Variants in POLR2F observed in about 807,000 individuals in gnomAD.
POLR2F encodes RNA polymerase II, I and III subunit F, also known as DNA-directed RNA polymerases I, II, and III subunit RPABC2.
A neutral mutation model predicts 22.7 loss-of-function variants in POLR2F; 12 were observed. That is an observed-to-expected ratio of 0.53 (90% CI 0.34 to 0.86). The LOEUF (loss-of-function observed/expected upper bound fraction) is 0.86, where lower values mean the gene tolerates loss of function less well. POLR2F is among the 40% of genes least tolerant of loss of function. The probability of loss-of-function intolerance (pLI) is 0.02; values close to 1 mark genes in which losing one functional copy is unlikely to be tolerated. For synonymous variants in POLR2F, 57 were observed against 66.0 expected, an observed-to-expected ratio of 0.86 and a Z score of 0.66; for missense variants, 126 against 171.5, an observed-to-expected ratio of 0.73 and a Z score of 1.48.
At chr22:37,999,359 A>G (rs1010197734) in intron 1 of POLR2F, among the ~76,000 whole-genome samples, 3 of 152,258 alleles carry the variant, frequency 2.0e-5, no homozygotes, top group Admixed American at 6.5e-5. Flanking sequence ...CTTGTCGGCC[A>G]TCACAGGGGG....
In POLR2F at chr22:38,040,991, T is replaced by C. The variant is rs2085166633; in HGVS notation, c.453-77T>C. The C allele has an allele frequency of 4.4e-6, 7 of 1,603,070 alleles. No homozygotes were observed. In the South Asian group the frequency reaches 6.6e-5, roughly 15 times the overall value. On this transcript the variant is annotated intron_variant, in intron 5 of 5. Transcript: ENST00000407936. ...TGACGTTGATCAAAGGCTGAAGTTC[T>C]TCATGTATTTCATTCATGTCATCCT...
chr22:38,031,259 A>G (rs1202109538), downstream of POLR2F, among the ~76,000 whole-genome samples: 1 of 152,136 alleles, frequency 6.6e-6, no homozygotes, highest in Non-Finnish European at 1.5e-5. This position sits in a 1 kb window ranked among gnomAD's most constrained non-coding sequence, Gnocchi z 4.1. Flanking sequence ...TGCGGACAGT[A>G]ATACCACAGA....
At chr22:38,037,931 A>G (rs1016822929) in intron 5 of POLR2F, among the ~76,000 whole-genome samples, 10 of 152,154 alleles carry the variant, frequency 6.6e-5, no homozygotes, top group Admixed American at 5.9e-4. Context: ...TAGCCTCAGC[A>G]GAGAGACAGC....
At chr22:38,020,228 CACACACAT>C (rs1166398523) in intron 1 of POLR2F, among the ~76,000 whole-genome samples, 4 of 150,920 alleles carry the variant, frequency 2.7e-5, no homozygotes, top group African/African-American at 9.8e-5. Flanking sequence ...CACACACACA[CACACACAT>C]ACATATATAT....
At chr22:37,996,379 G>A (rs904191645) in intron 1 of POLR2F, among the ~76,000 whole-genome samples, 21 of 152,366 alleles carry the variant, frequency 1.4e-4, no homozygotes, top group African/African-American at 1.7e-4. Flanking sequence ...CATCTCTGGC[G>A]AGAGAGCTCA....
At chr22:38,036,494 A>G (rs2085117484) in intron 5 of POLR2F, among the ~76,000 whole-genome samples, 1 of 150,304 alleles carries the variant, frequency 6.7e-6, no homozygotes, top group Non-Finnish European at 1.5e-5. Context: ...CTCCTTAGGA[A>G]CCTGTCCTAG....
chr22:38,039,115 G>A (rs944097492), intron 5 of POLR2F, among the ~76,000 whole-genome samples: 2 of 152,198 alleles, frequency 1.3e-5, no homozygotes, highest in Non-Finnish European at 2.9e-5. Flanking sequence ...CCCCTCTGAC[G>A]ACTGAGTGGA....
chr22:38,002,719 G>A (rs549835245), intron 1 of POLR2F, among the ~76,000 whole-genome samples: 2 of 152,214 alleles, frequency 1.3e-5, no homozygotes, highest in East Asian at 3.9e-4. Context: ...ATGGCCTGAT[G>A]GTGACTTTTG....
intron 1 of POLR2F, among the ~76,000 whole-genome samples, chr22:38,014,676 G>C (rs2084901097): frequency 6.6e-6 from 1 of 151,620 alleles, no homozygotes; most frequent in South Asian, 2.1e-4. Context: ...TTGGAGATGG[G>C]GTTTCACCAT....
At chr22:38,026,283 C>T (rs778238948) in exon 3 of POLR2F, 1 of 533,202 alleles carries the variant, frequency 1.9e-6, no homozygotes, top group East Asian at 5.4e-5. Context: ...GGGTAGCTGG[C>T]TTGCTTGACC....
At chr22:38,039,791 C>T (rs1026565915) in intron 5 of POLR2F, among the ~76,000 whole-genome samples, 11 of 152,184 alleles carry the variant, frequency 7.2e-5, no homozygotes, top group Admixed American at 5.2e-4. Flanking sequence ...AGGGCGAGGG[C>T]CATTGAGTTC....
At chr22:38,037,079 T>C (rs1287661784) in intron 5 of POLR2F, among the ~76,000 whole-genome samples, 2 of 152,196 alleles carry the variant, frequency 1.3e-5, no homozygotes, top group Admixed American at 6.5e-5. Flanking sequence ...GTAGGTTTAC[T>C]TGTATACTAT....
chr22:37,983,270 T>C, upstream of POLR2F: 4 of 1,437,464 alleles, frequency 2.8e-6, no homozygotes, highest in Non-Finnish European at 3.8e-6. This position sits in a 1 kb window ranked among gnomAD's most constrained non-coding sequence, Gnocchi z 9.5. Context: ...AGTCCCGCTC[T>C]GAGGTGCAGG....
chr22:38,020,169 C>T (rs1259498244), intron 1 of POLR2F, among the ~76,000 whole-genome samples: 2 of 148,422 alleles, frequency 1.3e-5, no homozygotes, highest in African/African-American at 2.5e-5. Flanking sequence ...GGCAACACAG[C>T]GAGACCTTGT....
intron 1 of POLR2F, among the ~76,000 whole-genome samples, chr22:38,008,050 G>T (rs917471409): frequency 6.6e-6 from 1 of 152,062 alleles, no homozygotes; most frequent in Admixed American, 6.6e-5. Flanking sequence ...GACCAGCCTG[G>T]CCAACATGGT....
At chr22:38,007,349 G>T (rs1297904958) in intron 1 of POLR2F, among the ~76,000 whole-genome samples, 1 of 152,244 alleles carries the variant, frequency 6.6e-6, no homozygotes, top group Non-Finnish European at 1.5e-5. Flanking sequence ...GGCTCACAGG[G>T]CATGAGGTGG....
intron 4 of POLR2F, among the ~76,000 whole-genome samples, chr22:37,977,565 C>A (rs1932259559): frequency 6.6e-6 from 1 of 152,030 alleles, no homozygotes; most frequent in South Asian, 2.1e-4. Context: ...CGTGATCTGC[C>A]CTCCTCGGCC....
chr22:38,008,885 A>G (rs1038930423), intron 1 of POLR2F, among the ~76,000 whole-genome samples: 2 of 152,098 alleles, frequency 1.3e-5, no homozygotes, highest in Non-Finnish European at 2.9e-5. Context: ...AAGAAAAGAA[A>G]AAAAGCAGTG....
chr22:38,034,779 A>C (rs931206999), intron 5 of POLR2F, among the ~76,000 whole-genome samples: 1 of 152,184 alleles, frequency 6.6e-6, no homozygotes, highest in Non-Finnish European at 1.5e-5. Context: ...CAGCCAGCAG[A>C]GACACAGAGC....
Sources: gnomAD v4.1 joint callset for allele counts (sites outside exome capture counted in the v4.1 genomes callset) on GRCh38, gnomAD v4.1.1 for gene constraint, Gnocchi (gnomAD v3.1) non-coding constraint, MANE v1.5 for transcripts, NCBI Gene and HGNC (gene_info 2026-07-23, HGNC 2026-07-21) for gene names.